OTX1: variants seen among roughly 807,000 people sequenced by gnomAD.
OTX1 encodes homeobox protein OTX1.
A neutral mutation model predicts 26.7 loss-of-function variants in OTX1; 7 were observed. That is an observed-to-expected ratio of 0.26 (90% confidence interval 0.15 to 0.49). OTX1 has a LOEUF of 0.49. Ranked by LOEUF, OTX1 falls within the 20% of genes least tolerant of loss-of-function variation. The pLI, the probability that OTX1 is intolerant of heterozygous loss-of-function variation, is 0.98. For missense variants in OTX1, 414 were observed against 483.8 expected (o/e 0.86, Z 1.35); for synonymous variants, 216 against 212.8 (o/e 1.01, Z -0.13).
chr2:63,050,716 G>T (rs1400658052), upstream of OTX1: 5 of 152,108 alleles, frequency 3.3e-5, no homozygotes, highest in Non-Finnish European at 4.4e-5. Context: ...CCCGGCTCGC[G>T]CAGCCATTGC....
intron 4 of OTX1, among the ~76,000 whole-genome samples, chr2:63,054,733 G>C (rs1250784165): frequency 6.6e-6 from 1 of 152,216 alleles, no homozygotes; most frequent in Non-Finnish European, 1.5e-5. Flanking sequence ...CTGTTTTTGA[G>C]ATGAAAGGGT....
chr2:63,053,873 T>C (rs2062045014), intron 3 of OTX1, 174 bp from the exon 4 acceptor site: 1 of 658,242 alleles, frequency 1.5e-6, no homozygotes, highest in African/African-American at 1.9e-5. Context: ...ACATCTGCAC[T>C]TTCTCCCACC....
At position 63,052,955 on chromosome 2, in the gene OTX1, C is replaced by T. The variant is rs756045116; in HGVS notation, c.-36C>T. ...TGCACCGCTCCTGGCCCCGGGCCCCCTGGATCCGTCGGGGCGCCTCCACCC... is the reference window on the plus strand; with the variant it reads ...TGCACCGCTCCTGGCCCCGGGCCCCTTGGATCCGTCGGGGCGCCTCCACCC... On this transcript the variant is annotated 5_prime_UTR_variant, in exon 3 of 5. Transcript: ENST00000282549. 1.3e-6 allele frequency: 2 copies of T among 1,489,300 alleles called. No homozygotes were observed. The highest frequency in any genetic ancestry group is 1.9e-6 in the Non-Finnish European group (2 of 1,072,186). The allele number at this position is 1,489,300 out of a possible 1,614,324, so 92.3% of individuals were successfully genotyped here. A position where few individuals can be genotyped will look rare whatever the true frequency, so the allele number is the denominator to read the frequency against.
At position 63,056,524 on chromosome 2, in the gene OTX1, T is replaced by A; in HGVS notation, c.*208T>A. ...GTGCAAACCCACCCTGCCCCTTGGA[T>A]GGGGGGACCGGTGCTTCGGCTTGGC... is the stretch of plus-strand genomic sequence containing the variant. On this transcript the variant is annotated 3_prime_UTR_variant, in exon 5 of 5. Coordinates refer to ENST00000282549, the MANE Select transcript of OTX1 (RefSeq NM_014562.4). 1 of 603,090 alleles carries A rather than the reference T, an allele frequency of 1.7e-6. No individual in the cohort carries two copies. The highest frequency in any genetic ancestry group is 2.0e-5 in the South Asian group (1 of 49,490). The allele number at this position is 603,090 out of a possible 1,614,324, so 37.4% of individuals were successfully genotyped here. A position where few individuals can be genotyped will look rare whatever the true frequency, so the allele number is the denominator to read the frequency against.
At position 63,056,079 on chromosome 2, in the gene OTX1, T is replaced by G; in HGVS notation, c.828T>G (p.His276Gln). The G allele has an allele frequency of 6.2e-7, 1 of 1,612,956 alleles. No homozygotes were observed. The highest frequency in any genetic ancestry group is 8.5e-7 in the Non-Finnish European group (1 of 1,179,374). The stretch of plus-strand genomic sequence containing the variant: ...CACCCTCCTCCATGGCGGGCCACCA[T>G]CATCACCACCCACATGCGCACCACC... ...PMAPSSMAGHHHHHPHAHHPL... is the reference protein window; with the variant it reads ...PMAPSSMAGHQHHHPHAHHPL... Residue 276 changes from histidine to glutamine, a missense_variant, in exon 5 of 5, where the codon CAT becomes CAG. Transcript: ENST00000282549.
At chr2:63,054,469 G>T (rs147179381) in intron 4 of OTX1, among the ~76,000 whole-genome samples, 102 of 152,358 alleles carry the variant, frequency 6.7e-4, no homozygotes, top group Middle Eastern at 6.8e-3. Flanking sequence ...ATTGCCGGAG[G>T]ACTAGGGAAG....
At chr2:63,052,692 C>A (rs2062034426) in intron 2 of OTX1, among the ~76,000 whole-genome samples, 188 bp from the exon 3 acceptor site, 1 of 152,194 alleles carries the variant, frequency 6.6e-6, no homozygotes, top group African/African-American at 2.4e-5. Flanking sequence ...CTCATTCCAA[C>A]CCTAGAGCCA....
chr2:63,054,330 T>A, intron 4 of OTX1, 132 bp downstream of exon 4: 1 of 861,138 alleles, frequency 1.2e-6, no homozygotes, highest in Non-Finnish European at 1.6e-6. Context: ...GCAGCCGCTC[T>A]CGGACTCCCC....
At position 63,054,186 on chromosome 2, in the gene OTX1, G is replaced by T; in HGVS notation, c.237G>T (p.Glu79Asp). The stretch of plus-strand genomic sequence containing the variant: ...TGGCGCTCAAGATCAACCTGCCGGA[G>T]TCTAGAGTCCAGGTGCGCACTCCCC... ...EEVALKINLP[E>D]SRVQVWFKNR... The change falls in exon 4 of 5, where the codon GAG (glutamate) becomes GAT (aspartate). Residue 79 changes from glutamate (E) to aspartate (D), a missense_variant. Physicochemically the swap from Glu to Asp is conservative, Grantham distance 45 (BLOSUM62 2). Transcript: ENST00000282549. 6.2e-7 allele frequency: 1 copy of T among 1,601,720 alleles called. No homozygotes were observed.
chr2:63,053,445 C>G (rs1396443325), intron 3 of OTX1: 2 of 236,568 alleles, frequency 8.5e-6, no homozygotes, highest in Admixed American at 1.1e-4. Flanking sequence ...AATCTGGACA[C>G]TCGTTAGGCC....
rs1275452928 is a variant in OTX1 at position 63,055,572 on chromosome 2, AGCC to A, written c.322_324del (p.Ala108del). ...GCGGGAGCGGAACCAAGAGCCGCCCAGCCAAGAAGAAGTCCTCTCCAGTGCGGG... is the reference window on the plus strand; with the variant it reads ...GCGGGAGCGGAACCAAGAGCCGCCCAAAGAAGAAGTCCTCTCCAGTGCGGG... On this transcript the variant is annotated inframe_deletion, in exon 5 of 5. Transcript: ENST00000282549. This position sits in a 1 kb window ranked among gnomAD's most constrained non-coding sequence, Gnocchi z 5.2. 1 of 1,614,176 alleles carries A rather than the reference AGCC, an allele frequency of 6.2e-7. No homozygotes were observed. The highest frequency in any genetic ancestry group is 1.3e-5 in the African/African-American group (1 of 75,050).
Position 63,055,453 on chromosome 2 carries a change from C to T in OTX1, c.250-48C>T, listed in dbSNP as rs1034670999. 3.9e-6 allele frequency: 6 copies of T among 1,543,882 alleles called. No homozygotes were observed. The African/African-American group carries it at 8.2e-5, about 21-fold the overall frequency. On this transcript the variant is annotated intron_variant, in intron 4 of 4. Coordinates refer to ENST00000282549, the MANE Select transcript of OTX1 (RefSeq NM_014562.4). This position sits in a 1 kb window ranked among gnomAD's most constrained non-coding sequence, Gnocchi z 5.2. ...GTCCGCGGGGCGGTGGAGCAACAAG[C>T]TCCCCTAGCTCCCTTTGACCCACTC...
chr2:63,051,767 C>G (rs565326981), intron 2 of OTX1: 7 of 152,736 alleles, frequency 4.6e-5, no homozygotes, highest in South Asian at 2.1e-4. Context: ...TAGCCCGAGT[C>G]CCTGGCTTGC....
chr2:63,055,418 C>G lies in OTX1; in HGVS notation c.250-83C>G. ...GAGAAAGGATTGCGATATTCTGGAC[C>G]GGGAGTTGGGTCCGCGGGGCGGTGG... On this transcript the variant is annotated intron_variant, in intron 4 of 4. Transcript: ENST00000282549. The surrounding 1 kb of genome is among the most constrained non-coding windows in gnomAD (Gnocchi z 5.2). 7.0e-7 allele frequency: 1 copy of G among 1,421,318 alleles called. No homozygotes were observed. Among genetic ancestry groups the G allele is most frequent in the Non-Finnish European group, 9.6e-7 (1 of 1,040,148 alleles). The allele number at this position is 1,421,318 out of a possible 1,614,324, so 88.0% of individuals were successfully genotyped here.
chr2:63,051,134 C>T (rs898816370), intron 1 of OTX1, 115 bp from the exon 2 acceptor site: 3 of 152,342 alleles, frequency 2.0e-5, no homozygotes, highest in Non-Finnish European at 4.4e-5. Flanking sequence ...GAAGGACACG[C>T]ACAAAGCCAT....
intron 2 of OTX1, chr2:63,051,874 C>G (rs1289774707): frequency 6.5e-6 from 1 of 152,672 alleles, no homozygotes; most frequent in Non-Finnish European, 1.5e-5. Flanking sequence ...AGTGGCACCC[C>G]GGGTTCCCGG....
Position 63,056,884 on chromosome 2 carries a change from A to G in OTX1, c.*568A>G, listed in dbSNP as rs955217877. ...AGCCTCCCGGCGTTTCTTCCGCCCCAGCGGAGTGCGCTGGGGCGCGCCAGG... is the reference window on the plus strand; with the variant it reads ...AGCCTCCCGGCGTTTCTTCCGCCCCGGCGGAGTGCGCTGGGGCGCGCCAGG... On this transcript the variant is annotated 3_prime_UTR_variant, in exon 5 of 5. Coordinates refer to ENST00000282549, the MANE Select transcript of OTX1 (RefSeq NM_014562.4). 2 of 153,632 alleles carry G rather than the reference A, an allele frequency of 1.3e-5. No homozygotes were observed. The highest frequency in any genetic ancestry group is 2.9e-5 in the Non-Finnish European group (2 of 69,238). The allele number at this position is 153,632 out of a possible 1,614,324, so 9.5% of individuals were successfully genotyped here. A position where few individuals can be genotyped will look rare whatever the true frequency, so the allele number is the denominator to read the frequency against.
chr2:63,053,051 G>A lies in OTX1; in HGVS notation c.61G>A (p.Ala21Thr), dbSNP rs2062037453. The change falls in exon 3 of 5, where the codon GCC (alanine) becomes ACC (threonine). Residue 21 changes from alanine (A) to threonine (T), a missense_variant. Around this residue, in one of 3 missense-constraint regions of OTX1, gnomAD observed 48 missense variants for 41.6 expected, o/e 1.15. Coordinates refer to ENST00000282549, the MANE Select transcript of OTX1 (RefSeq NM_014562.4). ...GMNGLGLAGP[A>T]MDLLHPSVGY... ...GAACGGGCTGGGCCTGGCCGGGCCC[G>A]CCATGGACCTCCTGCACCCATCCGT... 1.9e-6 allele frequency: 3 copies of A among 1,602,968 alleles called. No homozygotes were observed. The highest frequency in any genetic ancestry group is 2.6e-6 in the Non-Finnish European group (3 of 1,175,766).
chr2:63,053,437 T>C lies in OTX1; in HGVS notation c.97+350T>C, dbSNP rs1167026714. 4 of 254,350 alleles carry C rather than the reference T, an allele frequency of 1.6e-5. No homozygotes were observed. The Admixed American group carries it at 1.6e-4, about 10-fold the overall frequency. 15.8% of individuals were successfully genotyped at this position (254,350 alleles called of 1,614,324 possible). Reference sequence around the variant, plus strand: ...TTTTTCCCCAACATGGAATGTGTAATCTGGACACTCGTTAGGCCCTGACAG... The same window carrying C: ...TTTTTCCCCAACATGGAATGTGTAACCTGGACACTCGTTAGGCCCTGACAG... On this transcript the variant is annotated intron_variant, in intron 3 of 4. Coordinates refer to ENST00000282549, the MANE Select transcript of OTX1 (RefSeq NM_014562.4).
Sources: gnomAD v4.1 joint callset for allele counts (sites outside exome capture counted in the v4.1 genomes callset) on GRCh38, gnomAD v4.1.1 for gene constraint, gnomAD v4.1.1 regional missense constraint, Gnocchi (gnomAD v3.1) non-coding constraint, MANE v1.5 for transcripts, NCBI Gene and HGNC (gene_info 2026-07-23, HGNC 2026-07-21) for gene names.